PDE4D: variants seen among roughly 807,000 people sequenced by gnomAD.
PDE4D encodes the protein 3',5'-cyclic-AMP phosphodiesterase 4D.
In PDE4D, 24 loss-of-function variants were observed where a neutral mutation model predicts 87.4. The ratio of observed to expected loss-of-function variants is 0.27; its 90% CI spans 0.20 to 0.39. The LOEUF is 0.39. Ranked by LOEUF, PDE4D falls within the 10% of genes least tolerant of loss-of-function variation. PDE4D has a pLI of 1.00. For synonymous variants in PDE4D, 384 were observed against 383.2 expected, an observed-to-expected ratio of 1.00 and a Z score of -0.02; for missense variants, 714 against 1,041.0, an observed-to-expected ratio of 0.69 and a Z score of 4.32.
chr5:60,035,498 C>T (rs1200776983), intron 2 of PDE4D, among the ~76,000 whole-genome samples: 1 of 152,162 alleles, frequency 6.6e-6, no homozygotes, highest in Non-Finnish European at 1.5e-5. Context: ...GAGCCAAACT[C>T]TGTATGCTTC....
chr5:59,414,433 A>T (rs2607340), intron 1 of PDE4D, among the ~76,000 whole-genome samples: 30,750 of 152,182 alleles, frequency 0.2, 3,421 homozygotes, highest in African/African-American at 0.28. Flanking sequence ...GAATTTGGGC[A>T]GATCAAGAAG....
At chr5:59,268,866 T>C (rs773520496) in intron 1 of PDE4D, among the ~76,000 whole-genome samples, 10 of 152,128 alleles carry the variant, frequency 6.6e-5, no homozygotes, top group Non-Finnish European at 1.5e-4. Context: ...CCCTTCAGTT[T>C]CATCTTAGAA....
upstream of PDE4D, among the ~76,000 whole-genome samples, chr5:59,897,734 C>T (rs1340617188): frequency 2.0e-5 from 3 of 151,934 alleles, no homozygotes; most frequent in Non-Finnish European, 2.9e-5. Flanking sequence ...TATACTTGAG[C>T]ACATGAGTGC....
chr5:59,019,870 GCTATCTATCTAT>G (rs70973175), intron 6 of PDE4D, among the ~76,000 whole-genome samples: 7,578 of 149,998 alleles, frequency 0.051, 430 homozygotes, highest in African/African-American at 0.14. Flanking sequence ...TATATGTTTC[GCTATCTATCTAT>G]CTATCTATCT....
intron 2 of PDE4D, among the ~76,000 whole-genome samples, chr5:60,108,242 G>C (rs985680205): frequency 6.6e-6 from 1 of 151,526 alleles, no homozygotes; most frequent in Non-Finnish European, 1.5e-5. Flanking sequence ...CAAATCATGA[G>C]TGAACTCCCA....
At chr5:60,297,173 T>G (rs1490137704) in intron 1 of PDE4D, among the ~76,000 whole-genome samples, 5 of 152,236 alleles carry the variant, frequency 3.3e-5, no homozygotes, top group Non-Finnish European at 7.3e-5. Context: ...TTTCAAATAT[T>G]TTTGGTATTA....
chr5:59,538,704 C>T (rs1242239133), intron 1 of PDE4D, among the ~76,000 whole-genome samples: 1 of 152,198 alleles, frequency 6.6e-6, no homozygotes, highest in Admixed American at 6.5e-5. Context: ...ACCTCAAAGA[C>T]TTTCCCTTTT....
chr5:59,488,120 C>T (rs1371094131), intron 1 of PDE4D, among the ~76,000 whole-genome samples: 10 of 145,520 alleles, frequency 6.9e-5, no homozygotes, highest in African/African-American at 2.3e-4. Context: ...ACTATTTACC[C>T]GTGGAGACAG....
chr5:60,108,508 A>G lies in PDE4D; in HGVS notation c.42+77049T>C, dbSNP rs927699681. 3.9e-5 allele frequency among the ~76,000 whole-genome samples: 6 copies of G among 152,220 alleles called. 1 individual carries two copies. Among genetic ancestry groups the G allele is most frequent in the African/African-American group, 1.4e-4 (6 of 41,440 alleles). ...TTTCTTCACAGAATTGGAAAAAACTACTGTAAAGTTCATATGGAACCAAAA... is the reference window on the plus strand; with the variant it reads ...TTTCTTCACAGAATTGGAAAAAACTGCTGTAAAGTTCATATGGAACCAAAA... On this transcript the variant is annotated intron_variant, in intron 2 of 16. Coordinates refer to the PDE4D transcript ENST00000502484.
intron 1 of PDE4D, among the ~76,000 whole-genome samples, chr5:59,652,509 G>A (rs565552967): frequency 6.6e-6 from 1 of 152,292 alleles, no homozygotes; most frequent in Admixed American, 6.5e-5. Flanking sequence ...AGTACACTAA[G>A]AGAATTTGTC....
At chr5:59,185,688 A>C (rs1010496836) in intron 3 of PDE4D, among the ~76,000 whole-genome samples, 1 of 152,226 alleles carries the variant, frequency 6.6e-6, no homozygotes, top group Non-Finnish European at 1.5e-5. Context: ...CATAATAATA[A>C]GTTGGCAAGT....
chr5:58,999,975 A>G (rs1467099484), intron 6 of PDE4D: 1 of 898,180 alleles, frequency 1.1e-6, no homozygotes, highest in East Asian at 1.2e-4. Context: ...CTCCCATAAA[A>G]CCCCAACTCT....
chr5:59,019,775 G>A (rs114867287), intron 6 of PDE4D, among the ~76,000 whole-genome samples: 1 of 149,850 alleles, frequency 6.7e-6, no homozygotes, highest in Non-Finnish European at 1.5e-5. Flanking sequence ...CTACAGGACA[G>A]GAACATAATG....
At chr5:59,707,932 T>A (rs926512336) in intron 1 of PDE4D, among the ~76,000 whole-genome samples, 3 of 152,206 alleles carry the variant, frequency 2.0e-5, no homozygotes, top group Non-Finnish European at 4.4e-5. Flanking sequence ...TGTGTATGTA[T>A]CTTTGTAACA....
chr5:60,077,744 G>T (rs1773470712), intron 2 of PDE4D, among the ~76,000 whole-genome samples: 1 of 152,178 alleles, frequency 6.6e-6, no homozygotes, highest in African/African-American at 2.4e-5. Context: ...GCACTGGCTG[G>T]ACTTCTGTCC....
At chr5:59,644,038 G>T (rs763130910) in intron 1 of PDE4D, among the ~76,000 whole-genome samples, 13 of 152,162 alleles carry the variant, frequency 8.5e-5, no homozygotes, top group Non-Finnish European at 1.5e-5. Context: ...TTTAGAACAA[G>T]CCTTGGTTTA....
intron 1 of PDE4D, among the ~76,000 whole-genome samples, chr5:60,441,271 A>G (rs1308977205): frequency 6.6e-6 from 1 of 152,180 alleles, no homozygotes; most frequent in African/African-American, 2.4e-5. Flanking sequence ...ACAGAGGCTC[A>G]GAAATAACAC....
chr5:59,824,255 C>G (rs180818297), intron 1 of PDE4D, among the ~76,000 whole-genome samples: 3 of 152,276 alleles, frequency 2.0e-5, no homozygotes, highest in Non-Finnish European at 4.4e-5. Context: ...ACATTCTTCT[C>G]TTTTATACAA....
At chr5:59,068,597 C>T (rs1488415241) in intron 5 of PDE4D, among the ~76,000 whole-genome samples, 1 of 152,084 alleles carries the variant, frequency 6.6e-6, no homozygotes, top group African/African-American at 2.4e-5. Flanking sequence ...AAAAATGTAA[C>T]ACCTCCAAAA....
Sources: gnomAD v4.1 joint callset for allele counts (sites outside exome capture counted in the v4.1 genomes callset) on GRCh38, gnomAD v4.1.1 for gene constraint, MANE v1.5 for transcripts, NCBI Gene and HGNC (gene_info 2026-07-23, HGNC 2026-07-21) for gene names.